The following HS3ST3B1 variants were observed in gnomAD, a reference collection of about 807,000 sequenced individuals.
The protein encoded by HS3ST3B1 is heparan sulfate glucosamine 3-O-sulfotransferase 3B1.
In HS3ST3B1, 13 loss-of-function variants were observed where a neutral mutation model predicts 21.3. The ratio of observed to expected loss-of-function variants is 0.61; its 90% CI spans 0.40 to 0.97. The LOEUF is 0.97. Among genes scored for constraint, HS3ST3B1 ranks in the 50% least tolerant of loss-of-function variants. The probability of loss-of-function intolerance (pLI) is 0.00; values close to 1 mark genes in which losing one functional copy is unlikely to be tolerated. For missense variants in HS3ST3B1, 459 were observed against 554.8 expected, an observed-to-expected ratio of 0.83 and a Z score of 1.73; for synonymous variants, 234 against 254.8, an observed-to-expected ratio of 0.92 and a Z score of 0.78.
chr17:14,328,054 CGTTCCTT>C (rs1255695820), intron 1 of HS3ST3B1: 1 of 152,162 alleles, frequency 6.6e-6, no homozygotes, highest in African/African-American at 2.4e-5. Flanking sequence ...TTTACTGTGT[CGTTCCTT>C]ACGGGTGAAG....
At chr17:14,307,226 A>G (rs913730710) in intron 1 of HS3ST3B1, among the ~76,000 whole-genome samples, 2 of 152,154 alleles carry the variant, frequency 1.3e-5, no homozygotes, top group Admixed American at 6.5e-5. Context: ...ATAGAATACT[A>G]CAATTAGGAA....
rs191610559 is a variant in HS3ST3B1 at position 14,301,869 on chromosome 17, G to T, written c.351G>T (p.Glu117Asp). ...GAASPEEQSP[E>D]VPDSPSPISS... ...CGAGCCCGGAGGAGCAGAGTCCCGA[G>T]GTGCCGGACTCCCCAAGCCCCATCT... Residue 117 changes from glutamate to aspartate, a missense_variant, in exon 1 of 2, where the codon GAG (glutamate) becomes GAT (aspartate). Around this residue, in one of 3 missense-constraint regions of HS3ST3B1, gnomAD observed 317 missense variants for 278.6 expected, o/e 1.14. Coordinates refer to ENST00000360954, the MANE Select transcript of HS3ST3B1 (RefSeq NM_006041.3). 3.7e-6 allele frequency: 6 copies of T among 1,602,936 alleles called. No homozygotes were observed. The highest frequency in any genetic ancestry group is 5.1e-6 in the Non-Finnish European group (6 of 1,175,972).
intron 1 of HS3ST3B1, among the ~76,000 whole-genome samples, chr17:14,332,829 C>CTTTTTTTTTTTTTTTTTTTTTTTTTTTTT (rs71147859): frequency 2.2e-5 from 2 of 91,040 alleles, no homozygotes; most frequent in Non-Finnish European, 4.2e-5. Flanking sequence ...GACCTTTTAT[C>CTTTTTTTTTTTTTTTTTTTTTTTTTTTTT]TTTTTTTTTT....
chr17:14,312,337 T>C (rs1909332660), intron 1 of HS3ST3B1, among the ~76,000 whole-genome samples: 2 of 152,176 alleles, frequency 1.3e-5, no homozygotes, highest in Non-Finnish European at 2.9e-5. Flanking sequence ...TCAAACTCCA[T>C]AACTTGGAGG....
chr17:14,311,759 A>G (rs4791571), intron 1 of HS3ST3B1, among the ~76,000 whole-genome samples: 85,780 of 151,932 alleles, frequency 0.56, 24,381 homozygotes, highest in Middle Eastern at 0.71. Context: ...GTCCCTGAGA[A>G]GCCTGTTTTA....
chr17:14,308,042 C>A (rs919659954), intron 1 of HS3ST3B1, among the ~76,000 whole-genome samples: 1 of 152,188 alleles, frequency 6.6e-6, no homozygotes, highest in Admixed American at 6.5e-5. Flanking sequence ...ATACTGATAT[C>A]TTTGAAAACT....
At chr17:14,342,994 A>G (rs1188142989) in intron 1 of HS3ST3B1, among the ~76,000 whole-genome samples, 1 of 152,236 alleles carries the variant, frequency 6.6e-6, no homozygotes, top group Non-Finnish European at 1.5e-5. Flanking sequence ...CTGTAATCCC[A>G]GCACTTTGGG....
chr17:14,303,903 G>T lies in HS3ST3B1; in HGVS notation c.554+1831G>T, dbSNP rs564518728. Reference sequence around the variant, plus strand: ...GGTTGGGAGGAACTGGCAGGAAAAGGACTGAACCCTTAATGTCAGGCGGTT... The same window carrying T: ...GGTTGGGAGGAACTGGCAGGAAAAGTACTGAACCCTTAATGTCAGGCGGTT... On this transcript the variant is annotated intron_variant, in intron 1 of 1. Coordinates refer to ENST00000360954, the MANE Select transcript of HS3ST3B1 (RefSeq NM_006041.3). The surrounding 1 kb of genome is among the most constrained non-coding windows in gnomAD (Gnocchi z 5.7). 1 of 152,402 alleles carries T rather than the reference G, an allele frequency of 6.6e-6. No individual in the cohort carries two copies. Among genetic ancestry groups the T allele is most frequent in the South Asian group, 2.1e-4 (1 of 4,828 alleles). 9.4% of individuals were successfully genotyped at this position (152,402 alleles called of 1,614,324 possible).
chr17:14,341,450 G>A (rs1017432192), intron 1 of HS3ST3B1, among the ~76,000 whole-genome samples: 23 of 152,056 alleles, frequency 1.5e-4, no homozygotes, highest in African/African-American at 4.6e-4. Flanking sequence ...TAACATTTTT[G>A]TAACAGCCTA....
At chr17:14,302,937 G>A (rs940678271) in intron 1 of HS3ST3B1, among the ~76,000 whole-genome samples, 3 of 152,220 alleles carry the variant, frequency 2.0e-5, no homozygotes, top group Non-Finnish European at 4.4e-5. Context: ...AATGAGGGTT[G>A]CTTCGAGGTC....
chr17:14,309,551 C>A (rs933515016), intron 1 of HS3ST3B1, among the ~76,000 whole-genome samples: 1 of 151,822 alleles, frequency 6.6e-6, no homozygotes, highest in Non-Finnish European at 1.5e-5. Context: ...GCGGGCTGAG[C>A]GGGCGCGCCC....
intron 1 of HS3ST3B1, among the ~76,000 whole-genome samples, chr17:14,335,716 T>A (rs1424733620): frequency 2.7e-5 from 4 of 150,522 alleles, no homozygotes; most frequent in Non-Finnish European, 5.9e-5. Context: ...GGAAAAAAAA[T>A]TTCTATGTCT....
intron 1 of HS3ST3B1, among the ~76,000 whole-genome samples, chr17:14,311,680 G>A (rs983166501): frequency 9.9e-5 from 15 of 152,106 alleles, no homozygotes; most frequent in African/African-American, 3.4e-4. Context: ...AAATCCCGTC[G>A]GTGCACTTGC....
At position 14,301,668 on chromosome 17, in the gene HS3ST3B1, G is replaced by C. The variant is rs774771524; in HGVS notation, c.150G>C (p.Ser50=). 1 of 1,602,862 alleles carries C rather than the reference G, an allele frequency of 6.2e-7. No individual in the cohort carries two copies. Residue 50 remains serine, a synonymous_variant, in exon 1 of 2, where the codon TCG becomes TCC. Coordinates refer to ENST00000360954, the MANE Select transcript of HS3ST3B1 (RefSeq NM_006041.3). ...TCTGGCTCTATATGTTCCTGTACTC[G>C]TGCGCCGGCTCCTGCGCCGCCGCGC... is the stretch of plus-strand genomic sequence containing the variant. The part of the protein sequence containing the change: ...LCVWLYMFLY[S]CAGSCAAAPG...
intron 1 of HS3ST3B1, among the ~76,000 whole-genome samples, chr17:14,324,036 A>AC (rs1362375162): frequency 6.6e-6 from 1 of 150,994 alleles, no homozygotes; most frequent in East Asian, 2.0e-4. Context: ...TGCACCCCCG[A>AC]CCCCTGCCCC....
In HS3ST3B1 at chr17:14,307,737, T is replaced by C. The variant is rs145861119; in HGVS notation, c.554+5665T>C. On this transcript the variant is annotated intron_variant, in intron 1 of 1. Transcript: ENST00000360954. Reference sequence around the variant, plus strand: ...TTGAATACTTTATGTTCTCACTCTATGAACATGGAAATTAAGTTGATTGAC... The same window carrying C: ...TTGAATACTTTATGTTCTCACTCTACGAACATGGAAATTAAGTTGATTGAC... Among the ~76,000 whole-genome samples the C allele has an allele frequency of 2.5e-3, 376 of 152,332 alleles. 2 individuals are homozygous for C. The highest frequency in any genetic ancestry group is 7.5e-3 in the African/African-American group (312 of 41,582).
At chr17:14,336,675 G>A (rs762608420) in intron 1 of HS3ST3B1, among the ~76,000 whole-genome samples, 12 of 152,156 alleles carry the variant, frequency 7.9e-5, no homozygotes, top group African/African-American at 2.4e-4. Context: ...GGCTATCTCC[G>A]ACTGCAGATG....
At chr17:14,335,236 T>A (rs1910151421) in intron 1 of HS3ST3B1, among the ~76,000 whole-genome samples, 1 of 152,052 alleles carries the variant, frequency 6.6e-6, no homozygotes, top group Non-Finnish European at 1.5e-5. Flanking sequence ...GAACAGTTTA[T>A]CAGAATGGGC....
intron 1 of HS3ST3B1, among the ~76,000 whole-genome samples, chr17:14,340,066 G>A (rs1910324684): frequency 6.6e-6 from 1 of 152,160 alleles, no homozygotes; most frequent in Admixed American, 6.6e-5. Flanking sequence ...TTGCCTGGAT[G>A]ATTCTGTGCC....
Sources: gnomAD v4.1 joint callset for allele counts (sites outside exome capture counted in the v4.1 genomes callset) on GRCh38, gnomAD v4.1.1 for gene constraint, gnomAD v4.1.1 regional missense constraint, Gnocchi (gnomAD v3.1) non-coding constraint, MANE v1.5 for transcripts, NCBI Gene and HGNC (gene_info 2026-07-23, HGNC 2026-07-21) for gene names.